The following CUL2 variants were observed in gnomAD, a reference collection of about 807,000 sequenced individuals.
CUL2 encodes cullin-2.
In CUL2, 22 loss-of-function variants were observed where a neutral mutation model predicts 110.2. The ratio of observed to expected loss-of-function variants is 0.20; its 90% CI spans 0.14 to 0.28. The LOEUF (loss-of-function observed/expected upper bound fraction) is 0.28, where lower values mean the gene tolerates loss of function less well. CUL2 is among the 10% of genes least tolerant of loss of function. CUL2 has a pLI of 1.00. For missense variants in CUL2, 631 were observed against 905.5 expected, an observed-to-expected ratio of 0.70 and a Z score of 3.89; for synonymous variants, 279 against 293.2, an observed-to-expected ratio of 0.95 and a Z score of 0.49.
Position 35,040,814 on chromosome 10 carries a change from G to A in CUL2, c.715-1732C>T, listed in dbSNP as rs572262031. ...CAGGCATTAGATTCTTCTAAAGAGC[G>A]CACATCCTAGACCCCTTGCATGCAG... On this transcript the variant is annotated intron_variant, in intron 8 of 20. Coordinates refer to ENST00000374749, the MANE Select transcript of CUL2 (RefSeq NM_003591.4). Among the ~76,000 whole-genome samples, 221 of 152,258 alleles carry A rather than the reference G, an allele frequency of 1.5e-3. 1 individual carries two copies. Among genetic ancestry groups the A allele is most frequent in the Non-Finnish European group, 1.1e-3 (75 of 68,022 alleles).
intron 20 of CUL2, 36 bp downstream of exon 20, chr10:35,011,812 T>TA: frequency 2.7e-6 from 3 of 1,117,294 alleles, no homozygotes; most frequent in Non-Finnish European, 4.1e-6. Flanking sequence ...CAATGCCCTC[T>TA]ACCCTAAGAA....
At chr10:35,063,972 T>C (rs1391701115) in intron 2 of CUL2, 1 of 152,158 alleles carries the variant, frequency 6.6e-6, no homozygotes. Flanking sequence ...TAACAGCTCA[T>C]TTGTCCACAG....
chr10:35,011,995 A>C, intron 19 of CUL2, 31 bp from the exon 20 acceptor site: 1 of 1,283,092 alleles, frequency 7.8e-7, no homozygotes, highest in African/African-American at 1.5e-5. Flanking sequence ...AAAAAGACCC[A>C]ACAAGACATT....
Position 35,064,698 on chromosome 10 carries a change from A to T in CUL2, c.120-1636T>A, listed in dbSNP as rs537365484. 4.6e-5 allele frequency among the ~76,000 whole-genome samples: 7 copies of T among 152,228 alleles called. No homozygotes were observed. In the East Asian group the frequency reaches 1.3e-3, roughly 29 times the overall value. Reference sequence around the variant, plus strand: ...ATATATTTTTAAGCTTTATTTATTTATATTTTTACTTGAAAAAATTTTTTT... The same window carrying T: ...ATATATTTTTAAGCTTTATTTATTTTTATTTTTACTTGAAAAAATTTTTTT... On this transcript the variant is annotated intron_variant, in intron 2 of 20. Coordinates refer to ENST00000374749, the MANE Select transcript of CUL2 (RefSeq NM_003591.4).
At chr10:35,049,839 A>C (rs2086052921) in intron 5 of CUL2, 74 bp from the exon 6 acceptor site, 3 of 948,516 alleles carry the variant, frequency 3.2e-6, no homozygotes, top group Non-Finnish European at 4.9e-6. Context: ...GGTTTTTTTT[A>C]ACTAAAAATA....
intron 18 of CUL2, 138 bp downstream of exon 18, chr10:35,016,054 G>A (rs908747637): frequency 1.5e-6 from 1 of 683,418 alleles, no homozygotes; most frequent in African/African-American, 1.8e-5. Flanking sequence ...CAGCTCTATG[G>A]AGCGTACAGT....
intron 17 of CUL2, among the ~76,000 whole-genome samples, chr10:35,021,863 G>GGTGGGGTGAGGTGGGGTGA (rs1400066877): frequency 3.3e-5 from 2 of 61,266 alleles, no homozygotes; most frequent in Non-Finnish European, 6.7e-5. Context: ...AGGTGAGGTG[G>GGTGGGGTGAGGTGGGGTGA]GGTGGGGTGA....
rs545195247 is a variant in CUL2, at chr10:35,027,193, A to G, written c.1617+1617T>C. Among the ~76,000 whole-genome samples, 6 of 148,440 alleles carry G rather than the reference A, an allele frequency of 4.0e-5. No homozygotes were observed. The South Asian group carries it at 1.3e-3, about 32-fold the overall frequency. ...GGAGTCTCGCTCTATCACCCAGGCTAAAGTGCAGTGGCGCAAACTCGGCTC... is the reference window on the plus strand; with the variant it reads ...GGAGTCTCGCTCTATCACCCAGGCTGAAGTGCAGTGGCGCAAACTCGGCTC... On this transcript the variant is annotated intron_variant, in intron 16 of 20. Transcript: ENST00000374749.
At chr10:35,116,278 G>A (rs570291526) in intron 1 of CUL2, among the ~76,000 whole-genome samples, 2 of 152,150 alleles carry the variant, frequency 1.3e-5, no homozygotes, top group African/African-American at 4.8e-5. Flanking sequence ...GGGAGGTGGA[G>A]GTTGTGTAGC....
chr10:35,080,431 A>ATTTTTTTT (rs1393489699), intron 1 of CUL2, among the ~76,000 whole-genome samples: 2 of 134,184 alleles, frequency 1.5e-5, no homozygotes, highest in Admixed American at 1.5e-4. Context: ...TAGAATTCCT[A>ATTTTTTTT]TTTTTATTTA....
chr10:35,035,011 G>A (rs1024459220), intron 10 of CUL2, among the ~76,000 whole-genome samples, 161 bp downstream of exon 10: 4 of 152,182 alleles, frequency 2.6e-5, no homozygotes, highest in Admixed American at 1.3e-4. Flanking sequence ...ATTCCAAAAT[G>A]AGTCCAACAA....
intron 8 of CUL2, among the ~76,000 whole-genome samples, chr10:35,044,170 AT>A (rs2085876073): frequency 6.6e-6 from 1 of 151,792 alleles, no homozygotes; most frequent in Non-Finnish European, 1.5e-5. Context: ...TTTTCCTCAT[AT>A]TTTTCCTCTC....
At chr10:35,054,387 G>A (rs1303715561) in intron 5 of CUL2, 47 bp downstream of exon 5, 1 of 1,024,986 alleles carries the variant, frequency 9.8e-7, no homozygotes, top group Non-Finnish European at 1.5e-6. Flanking sequence ...TTACCTCAGT[G>A]TATAAAAACA....
intron 1 of CUL2, among the ~76,000 whole-genome samples, chr10:35,116,352 A>C (rs2087600797): frequency 6.6e-6 from 1 of 152,174 alleles, no homozygotes; most frequent in African/African-American, 2.4e-5. Context: ...CTCAAAAAAA[A>C]AATTATGAAC....
Position 35,045,477 on chromosome 10 carries a change from G to T in CUL2, c.507-609C>A, listed in dbSNP as rs955969152. Reference sequence around the variant, plus strand: ...ACCTGTGGTCCCAGCTACTCTGGAGGCTGAGGTGGGATGATCCCTTGAGTC... The same window carrying T: ...ACCTGTGGTCCCAGCTACTCTGGAGTCTGAGGTGGGATGATCCCTTGAGTC... On this transcript the variant is annotated intron_variant, in intron 6 of 20. Coordinates refer to ENST00000374749, the MANE Select transcript of CUL2 (RefSeq NM_003591.4). Among the ~76,000 whole-genome samples the T allele has an allele frequency of 2.0e-5, 3 of 151,182 alleles. No individual in the cohort carries two copies. The East Asian group carries it at 5.9e-4, about 29-fold the overall frequency.
intron 1 of CUL2, among the ~76,000 whole-genome samples, chr10:35,125,151 A>G (rs2087732617): frequency 6.6e-6 from 1 of 152,240 alleles, no homozygotes; most frequent in Admixed American, 6.5e-5. Flanking sequence ...ACAAGCATAC[A>G]TTTAAACCCA....
intron 1 of CUL2, among the ~76,000 whole-genome samples, chr10:35,108,996 T>C (rs560266094): frequency 7.1e-4 from 108 of 152,326 alleles, no homozygotes; most frequent in African/African-American, 2.5e-3. Flanking sequence ...GTGGACCACC[T>C]GCGCTCAGGA....
intron 1 of CUL2, among the ~76,000 whole-genome samples, chr10:35,087,285 T>G (rs961540673): frequency 6.6e-6 from 1 of 152,208 alleles, no homozygotes; most frequent in Admixed American, 6.5e-5. Flanking sequence ...ATCTTAAATT[T>G]TGAGCCATGT....
rs1182351617 is a variant in CUL2 at position 35,031,150 on chromosome 10, C to T, written c.1386+150G>A. ...ACATATACATTTTGTCCTTTTAATA[C>T]AGTATTTGTATATCCCACTGTGTGA... On this transcript the variant is annotated intron_variant, in intron 14 of 20. Coordinates refer to ENST00000374749, the MANE Select transcript of CUL2 (RefSeq NM_003591.4). The surrounding 1 kb of genome is among the most constrained non-coding windows in gnomAD (Gnocchi z 4.4). 2 of 516,508 alleles carry T rather than the reference C, an allele frequency of 3.9e-6. No homozygotes were observed. Among genetic ancestry groups the T allele is most frequent in the Non-Finnish European group, 6.8e-6 (2 of 293,530 alleles). The allele number at this position is 516,508 out of a possible 1,614,324, so 32.0% of individuals were successfully genotyped here.
Sources: allele counts gnomAD v4.1 joint callset (sites outside exome capture counted in the v4.1 genomes callset), GRCh38; gene constraint gnomAD v4.1.1; non-coding constraint Gnocchi (gnomAD v3.1); transcripts MANE v1.5; gene names NCBI Gene and HGNC (gene_info 2026-07-23, HGNC 2026-07-21).